The following DPY19L2 variants were observed in gnomAD, a reference collection of about 807,000 sequenced individuals.
DPY19L2 encodes probable C-mannosyltransferase DPY19L2.
Under a neutral mutation model 97.9 loss-of-function variants are expected in DPY19L2, and 34 were observed. The observed-to-expected ratio is 0.35, with a 90% CI of 0.26 to 0.46. The LOEUF (loss-of-function observed/expected upper bound fraction) is 0.46. Ranked by LOEUF, DPY19L2 falls within the 20% of genes least tolerant of loss-of-function variation. The probability of loss-of-function intolerance (pLI) is 1.00; values close to 1 mark genes in which losing one functional copy is unlikely to be tolerated. For missense variants in DPY19L2, 623 were observed against 911.4 expected, an observed-to-expected ratio of 0.68 and a Z score of 4.07; for synonymous variants, 230 against 307.9, an observed-to-expected ratio of 0.75 and a Z score of 2.65.
chr12:63,562,351 G>T (rs187845716), intron 21 of DPY19L2, among the ~76,000 whole-genome samples: 22 of 152,172 alleles, frequency 1.4e-4, no homozygotes, highest in Non-Finnish European at 2.8e-4. Flanking sequence ...TGTATCAATA[G>T]TTTATTCATT....
At chr12:63,603,003 A>C (rs964428302) in intron 12 of DPY19L2, among the ~76,000 whole-genome samples, 8 of 152,190 alleles carry the variant, frequency 5.3e-5, no homozygotes, top group African/African-American at 1.9e-4. Context: ...AATTTATGCT[A>C]CACAGGGAAG....
At chr12:63,633,166 A>G (rs1891020368) in intron 6 of DPY19L2, among the ~76,000 whole-genome samples, 1 of 152,184 alleles carries the variant, frequency 6.6e-6, no homozygotes, top group Non-Finnish European at 1.5e-5. Flanking sequence ...CAAGGACTTC[A>G]TGACTAAAGC....
At chr12:63,636,598 G>GAAAAC (rs1014436688) in intron 6 of DPY19L2, among the ~76,000 whole-genome samples, 13 of 151,802 alleles carry the variant, frequency 8.6e-5, no homozygotes, top group South Asian at 2.1e-4. Flanking sequence ...CAAGCAAACA[G>GAAAAC]AAAACAAAAC....
chr12:63,635,008 T>C (rs1891405573), intron 6 of DPY19L2, among the ~76,000 whole-genome samples: 1 of 151,912 alleles, frequency 6.6e-6, no homozygotes, highest in African/African-American at 2.4e-5. Flanking sequence ...GACCTCCGAG[T>C]AGCATAACTG....
chr12:63,604,873 T>C (rs1294566213), intron 12 of DPY19L2, among the ~76,000 whole-genome samples: 1 of 152,174 alleles, frequency 6.6e-6, no homozygotes, highest in African/African-American at 2.4e-5. Flanking sequence ...ATTCAAGTTG[T>C]TATTTTCTTC....
At chr12:63,587,483 T>A (rs565027367) in intron 16 of DPY19L2, among the ~76,000 whole-genome samples, 15 of 151,262 alleles carry the variant, frequency 9.9e-5, no homozygotes, top group South Asian at 4.2e-4. Flanking sequence ...AAACTGAACA[T>A]CCATCTCAAT....
intron 15 of DPY19L2, among the ~76,000 whole-genome samples, chr12:63,594,742 A>C (rs1176472927): frequency 6.6e-6 from 1 of 151,712 alleles, no homozygotes; most frequent in Non-Finnish European, 1.5e-5. Context: ...TAATGTATTT[A>C]TAAGTCTTGG....
chr12:63,573,911 C>T (rs1459720389), intron 19 of DPY19L2, among the ~76,000 whole-genome samples: 1 of 152,002 alleles, frequency 6.6e-6, no homozygotes, highest in East Asian at 1.9e-4. Context: ...CCAGACCTAC[C>T]TATAAGAAAT....
chr12:63,639,100 C>G lies in DPY19L2; in HGVS notation c.803+5303G>C, dbSNP rs565213645. Among the ~76,000 whole-genome samples, 132 of 152,136 alleles carry G rather than the reference C, an allele frequency of 8.7e-4. 2 individuals are homozygous for G. In the South Asian group the frequency reaches 0.015, roughly 17 times the overall value. On this transcript the variant is annotated intron_variant, in intron 6 of 21. Coordinates refer to ENST00000324472, the MANE Select transcript of DPY19L2 (RefSeq NM_173812.5). ...ACAAACTTGACAAAAACAAGCAATGCGGAAAGGATTCCCTATTTAATAAAT... is the reference window on the plus strand; with the variant it reads ...ACAAACTTGACAAAAACAAGCAATGGGGAAAGGATTCCCTATTTAATAAAT...
rs539038492 is a variant in DPY19L2 at position 63,639,856 on chromosome 12, T to C, written c.803+4547A>G. 1.0e-2 allele frequency among the ~76,000 whole-genome samples: 1,521 copies of C among 152,260 alleles called. 20 individuals are homozygous for C. Among genetic ancestry groups the C allele is most frequent in the African/African-American group, 0.034 (1,427 of 41,538 alleles). On this transcript the variant is annotated intron_variant, in intron 6 of 21. Coordinates refer to ENST00000324472, the MANE Select transcript of DPY19L2 (RefSeq NM_173812.5). ...CCCAGCCATCCCATTACTGGGTATA[T>C]ACCCAAAGGATTATAAATCATGCTG...
At chr12:63,641,675 A>T (rs537461032) in intron 6 of DPY19L2, among the ~76,000 whole-genome samples, 2 of 152,088 alleles carry the variant, frequency 1.3e-5, no homozygotes, top group African/African-American at 4.8e-5. Flanking sequence ...CTGGTCCACC[A>T]TGTTAATAAA....
intron 16 of DPY19L2, 82 bp from the exon 17 acceptor site, chr12:63,583,918 T>C (rs1881360544): frequency 2.5e-6 from 3 of 1,216,702 alleles, no homozygotes; most frequent in African/African-American, 1.5e-5. Flanking sequence ...ATTTGCTTGA[T>C]CTTAGATTTT....
At chr12:63,643,271 G>T (rs768479661) in intron 6 of DPY19L2, among the ~76,000 whole-genome samples, 3 of 150,546 alleles carry the variant, frequency 2.0e-5, no homozygotes, top group South Asian at 2.1e-4. Flanking sequence ...TTTATGTACC[G>T]TGCTGGATAG....
chr12:63,627,023 C>T lies in DPY19L2; in HGVS notation c.804-497G>A, dbSNP rs565326428. Reference sequence around the variant, plus strand: ...CGAACTCCTGACCTCGTGATCCACCCGCCTTGGCCTCCCAAAGTGCTGAGA... The same window carrying T: ...CGAACTCCTGACCTCGTGATCCACCTGCCTTGGCCTCCCAAAGTGCTGAGA... On this transcript the variant is annotated intron_variant, in intron 6 of 21. Transcript: ENST00000324472. Among the ~76,000 whole-genome samples the T allele has an allele frequency of 1.1e-4, 17 of 152,250 alleles. No homozygotes were observed. The South Asian group carries it at 2.9e-3, about 26-fold the overall frequency.
chr12:63,623,807 C>T (rs1889091223), intron 8 of DPY19L2: 1 of 361,694 alleles, frequency 2.8e-6, no homozygotes, highest in Non-Finnish European at 5.4e-6. Flanking sequence ...TGGGTTCAAG[C>T]AATTCTCCTG....
At chr12:63,631,817 A>T (rs1890730969) in intron 6 of DPY19L2, among the ~76,000 whole-genome samples, 1 of 152,154 alleles carries the variant, frequency 6.6e-6, no homozygotes, top group Admixed American at 6.5e-5. Context: ...ATTCCTCAAT[A>T]AAATATTGGC....
At position 63,563,077 on chromosome 12, in the gene DPY19L2, G is replaced by A. The variant is rs188986511; in HGVS notation, c.2127-2415C>T. Reference sequence around the variant, plus strand: ...CTCCTCAAATCCTGGGATTACAGGCGTGAGCCAACCACTGCGCCTATTTTG... The same window carrying A: ...CTCCTCAAATCCTGGGATTACAGGCATGAGCCAACCACTGCGCCTATTTTG... On this transcript the variant is annotated intron_variant, in intron 21 of 21. Coordinates refer to ENST00000324472, the MANE Select transcript of DPY19L2 (RefSeq NM_173812.5). Among the ~76,000 whole-genome samples the A allele has an allele frequency of 1.2e-4, 16 of 128,392 alleles. No individual in the cohort carries two copies. The South Asian group carries it at 1.6e-3, about 13-fold the overall frequency. The allele number at this position is 128,392 out of a possible 152,430, so 84.2% of individuals were successfully genotyped here.
intron 9 of DPY19L2, 59 bp downstream of exon 9, chr12:63,621,179 C>T (rs1157324487): frequency 3.6e-5 from 42 of 1,177,658 alleles, no homozygotes; most frequent in African/African-American, 6.2e-5. Context: ...CTGTACATCC[C>T]GCACATGTAC....
At chr12:63,610,390 C>G (rs2137668889) in intron 11 of DPY19L2, among the ~76,000 whole-genome samples, 1 of 151,818 alleles carries the variant, frequency 6.6e-6, no homozygotes, top group Middle Eastern at 3.4e-3. Flanking sequence ...AATGAAACTT[C>G]TGCTTCTGTC....
Sources: gnomAD v4.1 joint callset for allele counts (sites outside exome capture counted in the v4.1 genomes callset) on GRCh38, gnomAD v4.1.1 for gene constraint, MANE v1.5 for transcripts, NCBI Gene and HGNC (gene_info 2026-07-23, HGNC 2026-07-21) for gene names.